The following FER variants were observed in gnomAD, a reference collection of about 807,000 sequenced individuals.
FER encodes the protein tyrosine-protein kinase Fer.
In FER, 63 loss-of-function variants were observed where a neutral mutation model predicts 111.0. The observed-to-expected ratio is 0.57, with a 90% confidence interval of 0.46 to 0.70. FER has a LOEUF of 0.70. Among genes scored for constraint, FER ranks in the 30% least tolerant of loss-of-function variants. The pLI is 0.00. For synonymous variants in FER, 327 were observed against 313.9 expected, an observed-to-expected ratio of 1.04 and a Z score of -0.44; for missense variants, 914 against 954.0, an observed-to-expected ratio of 0.96 and a Z score of 0.55.
Position 108,832,801 on chromosome 5 carries a change from A to C in FER, c.239A>C (p.Gln80Pro), listed in dbSNP as rs1760186716. 6.4e-7 allele frequency: 1 copy of C among 1,561,096 alleles called. No homozygotes were observed. The highest frequency in any genetic ancestry group is 8.7e-7 in the Non-Finnish European group (1 of 1,154,940). The change falls in exon 4 of 20, where the codon CAA becomes CCA. Residue 80 changes from glutamine (Q) to proline (P), a missense_variant. Gln to Pro is a moderately conservative substitution (Grantham distance 76). This residue lies in a region of FER where 774 missense variants were observed against 782.6 expected (regional missense o/e 0.99). Coordinates refer to ENST00000281092, the MANE Select transcript of FER (RefSeq NM_005246.4). ...SWLLMIQQTE[Q>P]LSRIMKTHAE... The stretch of plus-strand genomic sequence containing the variant: ...CTACTTATGATTCAGCAGACAGAAC[A>C]ACTTAGTAGGATAATGAAGACACAT...
intron 17 of FER, among the ~76,000 whole-genome samples, chr5:109,123,097 G>A (rs1751203778): frequency 6.7e-6 from 1 of 150,308 alleles, no homozygotes; most frequent in Admixed American, 6.6e-5. Flanking sequence ...ACTTACTCCT[G>A]CCATTTTGTT....
Position 109,189,191 on chromosome 5 carries a change from C to T in FER, c.*1616C>T, listed in dbSNP as rs1403455951. 2 of 152,162 alleles carry T rather than the reference C, an allele frequency of 1.3e-5. No homozygotes were observed. The allele number at this position is 152,162 out of a possible 1,614,324, so 9.4% of individuals were successfully genotyped here. A position where few individuals can be genotyped will look rare whatever the true frequency, so the allele number is the denominator to read the frequency against. ...AACTCTTATCTAGGGAACTTACTTA[C>T]TTACCCCATGATCTGTATATAGTTG... On this transcript the variant is annotated 3_prime_UTR_variant, in exon 20 of 20. Transcript: ENST00000281092.
At chr5:108,962,433 C>T (rs1484008158) in intron 13 of FER, among the ~76,000 whole-genome samples, 1 of 152,158 alleles carries the variant, frequency 6.6e-6, no homozygotes, top group Non-Finnish European at 1.5e-5. Context: ...CCTTTTGCTC[C>T]CCCTTCTTCT....
chr5:108,960,095 C>A (rs923707019), intron 13 of FER, among the ~76,000 whole-genome samples: 1 of 151,940 alleles, frequency 6.6e-6, no homozygotes, highest in South Asian at 2.1e-4. Flanking sequence ...TGAAGAACAG[C>A]GTAGAAATAG....
At chr5:109,139,239 C>T (rs924365231) in intron 17 of FER, among the ~76,000 whole-genome samples, 1 of 152,060 alleles carries the variant, frequency 6.6e-6, no homozygotes, top group Non-Finnish European at 1.5e-5. Flanking sequence ...TCCTTGTCTT[C>T]CACAGACTCC....
rs1437857317 is a variant in FER, at chr5:109,051,716, C to T, written c.1924+4518C>T. 7 of 1,569,628 alleles carry T rather than the reference C, an allele frequency of 4.5e-6. No individual in the cohort carries two copies. The Admixed American group carries it at 1.2e-4, about 26-fold the overall frequency. Reference sequence around the variant, plus strand: ...GCGGGGCTCAGCGGGCCAGTGGTCGCATGGTAAGGGTCGCTCTTTCCCTTA... The same window carrying T: ...GCGGGGCTCAGCGGGCCAGTGGTCGTATGGTAAGGGTCGCTCTTTCCCTTA... On this transcript the variant is annotated intron_variant, in intron 16 of 19. Coordinates refer to ENST00000281092, the MANE Select transcript of FER (RefSeq NM_005246.4).
At chr5:109,119,280 C>T (rs1405537887) in intron 17 of FER, among the ~76,000 whole-genome samples, 1 of 152,188 alleles carries the variant, frequency 6.6e-6, no homozygotes, top group African/African-American at 2.4e-5. Flanking sequence ...AGTAGTCATT[C>T]AGGAGCAGGT....
Position 108,867,855 on chromosome 5 carries a change from A to C in FER, c.570A>C (p.Lys190Asn), listed in dbSNP as rs1764228123. 14 of 1,613,388 alleles carry C rather than the reference A, an allele frequency of 8.7e-6. No individual in the cohort carries two copies. Among genetic ancestry groups the C allele is most frequent in the Non-Finnish European group, 1.2e-5 (14 of 1,179,562 alleles). Reference sequence around the variant, plus strand: ...ACAATCAGTATGTATTGGCGTTGAAAGGGGCACAGCTCCATCAGAATCAGT... The same window carrying C: ...ACAATCAGTATGTATTGGCGTTGAACGGGGCACAGCTCCATCAGAATCAGT... ...MLHNQYVLAL[K>N]GAQLHQNQYY... Residue 190 changes from lysine (K) to asparagine (N), a missense_variant, in exon 6 of 20, where the codon AAA (lysine) becomes AAC (asparagine). Around this residue, in one of 3 missense-constraint regions of FER, gnomAD observed 774 missense variants for 782.6 expected, o/e 0.99. Transcript: ENST00000281092.
chr5:108,947,260 T>C (rs1424640925), intron 11 of FER, among the ~76,000 whole-genome samples: 1 of 152,056 alleles, frequency 6.6e-6, no homozygotes, highest in Non-Finnish European at 1.5e-5. Context: ...TTTAAGCTTT[T>C]GAGGAACTGC....
At position 108,802,562 on chromosome 5, in the gene FER, T is replaced by C. The variant is rs186938058; in HGVS notation, c.207+4173T>C. Among the ~76,000 whole-genome samples the C allele has an allele frequency of 2.1e-3, 315 of 152,086 alleles. 3 individuals carry two copies. The highest frequency in any genetic ancestry group is 7.0e-3 in the African/African-American group (292 of 41,490). ...CCCATTGTTTCCATCTTTATATCCTTGTGTACCCAATGTTTAGCTGCCACT... is the reference window on the plus strand; with the variant it reads ...CCCATTGTTTCCATCTTTATATCCTCGTGTACCCAATGTTTAGCTGCCACT... On this transcript the variant is annotated intron_variant, in intron 3 of 19. Coordinates refer to ENST00000281092, the MANE Select transcript of FER (RefSeq NM_005246.4).
chr5:108,807,112 T>G (rs550287314), intron 3 of FER, among the ~76,000 whole-genome samples: 2 of 152,198 alleles, frequency 1.3e-5, no homozygotes, highest in Admixed American at 1.3e-4. Flanking sequence ...TGAATGAGTC[T>G]CATGAGATCT....
intron 9 of FER, among the ~76,000 whole-genome samples, chr5:108,896,852 T>C (rs963580963): frequency 3.3e-5 from 5 of 152,216 alleles, no homozygotes; most frequent in Non-Finnish European, 5.9e-5. Context: ...CTCTTACATA[T>C]TAATAACTTA....
Position 109,125,286 on chromosome 5 carries a change from C to G in FER, c.2048+24767C>G, listed in dbSNP as rs146271110. 4.2e-3 allele frequency among the ~76,000 whole-genome samples: 645 copies of G among 151,970 alleles called. 5 individuals carry two copies. Among genetic ancestry groups the G allele is most frequent in the African/African-American group, 0.014 (599 of 41,466 alleles). ...GAAGTATTACATACTATGGTGAGTT[C>G]CAACAGTTTTGTGAAGTATTATTTG... On this transcript the variant is annotated intron_variant, in intron 17 of 19. Coordinates refer to ENST00000281092, the MANE Select transcript of FER (RefSeq NM_005246.4).
At chr5:108,855,380 C>G (rs1762899025) in intron 5 of FER, among the ~76,000 whole-genome samples, 1 of 152,018 alleles carries the variant, frequency 6.6e-6, no homozygotes, top group Non-Finnish European at 1.5e-5. Context: ...CGCCTGTAAT[C>G]CCAGCACTTT....
At chr5:109,063,216 A>C (rs891752189) in intron 16 of FER, among the ~76,000 whole-genome samples, 1 of 152,302 alleles carries the variant, frequency 6.6e-6, no homozygotes, top group African/African-American at 2.4e-5. Context: ...ACATTTCACT[A>C]ATTTTTGCCA....
At chr5:108,918,177 A>G (rs1752506790) in intron 10 of FER, among the ~76,000 whole-genome samples, 2 of 152,128 alleles carry the variant, frequency 1.3e-5, no homozygotes, top group South Asian at 4.1e-4. Context: ...ACTCTTAAAT[A>G]AAAGAAAGCA....
Position 109,187,822 on chromosome 5 carries a change from T to C in FER, c.*247T>C, listed in dbSNP as rs1759051017. On this transcript the variant is annotated 3_prime_UTR_variant, in exon 20 of 20. Coordinates refer to ENST00000281092, the MANE Select transcript of FER (RefSeq NM_005246.4). ...TAGCAATCCTACCATTTCAGGCCAT[T>C]GCAAATAGAAAAGCACAGGCTTCTA... 2.0e-6 allele frequency: 1 copy of C among 496,980 alleles called. No homozygotes were observed. The highest frequency in any genetic ancestry group is 3.6e-6 in the Non-Finnish European group (1 of 277,994). The allele number at this position is 496,980 out of a possible 1,614,324, so 30.8% of individuals were successfully genotyped here. A position where few individuals can be genotyped will look rare whatever the true frequency, so the allele number is the denominator to read the frequency against.
chr5:109,057,967 A>C (rs1773860475), intron 16 of FER, among the ~76,000 whole-genome samples: 1 of 152,222 alleles, frequency 6.6e-6, no homozygotes. Flanking sequence ...CATAGATTTA[A>C]AAATTCTAAG....
intron 10 of FER, among the ~76,000 whole-genome samples, chr5:108,912,052 T>C (rs560358092): frequency 6.6e-6 from 1 of 152,274 alleles, no homozygotes; most frequent in South Asian, 2.1e-4. Flanking sequence ...TTTGCTTGGC[T>C]CTCATTCTCT....
Sources: allele counts gnomAD v4.1 joint callset (sites outside exome capture counted in the v4.1 genomes callset), GRCh38; gene constraint gnomAD v4.1.1; regional missense constraint gnomAD v4.1.1; transcripts MANE v1.5; gene names NCBI Gene and HGNC (gene_info 2026-07-23, HGNC 2026-07-21).